The following MACROD2 variants were observed in gnomAD, a reference collection of about 807,000 sequenced individuals.
The protein encoded by MACROD2 is mono-ADP ribosylhydrolase 2.
MACROD2 carries 36 observed loss-of-function variants against 70.4 expected under a neutral mutation model. The ratio of observed to expected loss-of-function variants is 0.51; its 90% CI spans 0.39 to 0.68. The LOEUF (loss-of-function observed/expected upper bound fraction) is 0.68. Ranked by LOEUF, MACROD2 falls within the 30% of genes least tolerant of loss-of-function variation. The pLI, the probability that MACROD2 is intolerant of heterozygous loss-of-function variation, is 0.00. For synonymous variants in MACROD2, 172 were observed against 178.8 expected (o/e 0.96, Z 0.30); for missense variants, 496 against 538.4 (o/e 0.92, Z 0.78).
chr20:15,775,145 T>C (rs926689123), intron 8 of MACROD2, among the ~76,000 whole-genome samples: 3 of 152,060 alleles, frequency 2.0e-5, no homozygotes, highest in Non-Finnish European at 1.5e-5. Context: ...ACATATTTAA[T>C]AAGCTGTAGG....
At chr20:15,638,790 G>T (rs1174207808) in intron 8 of MACROD2, among the ~76,000 whole-genome samples, 1 of 152,184 alleles carries the variant, frequency 6.6e-6, no homozygotes, top group African/African-American at 2.4e-5. Flanking sequence ...GGGCCAGGTG[G>T]TTAACTTTTC....
intron 3 of MACROD2, among the ~76,000 whole-genome samples, chr20:14,349,837 G>C (rs934286513): frequency 9.6e-5 from 14 of 145,284 alleles, no homozygotes; most frequent in Non-Finnish European, 1.9e-4. Context: ...TTTTGCCCAG[G>C]CTGGAGTGCA....
At chr20:14,863,339 T>C (rs1311971376) in intron 5 of MACROD2, among the ~76,000 whole-genome samples, 2 of 152,124 alleles carry the variant, frequency 1.3e-5, no homozygotes, top group Non-Finnish European at 2.9e-5. Flanking sequence ...CCGATCACAC[T>C]GATACAGGCC....
intron 8 of MACROD2, among the ~76,000 whole-genome samples, chr20:15,608,094 A>T (rs771394436): frequency 2.0e-5 from 3 of 152,224 alleles, no homozygotes; most frequent in Non-Finnish European, 4.4e-5. Context: ...TACTTCTCAT[A>T]CTGGTTACAG....
chr20:14,914,977 C>T (rs980249747), intron 5 of MACROD2, among the ~76,000 whole-genome samples: 4 of 152,044 alleles, frequency 2.6e-5, no homozygotes, highest in East Asian at 1.9e-4. Context: ...ACAATAGATT[C>T]GACTGATTTT....
At chr20:15,615,566 A>G (rs1276899904) in intron 8 of MACROD2, among the ~76,000 whole-genome samples, 1 of 152,108 alleles carries the variant, frequency 6.6e-6, no homozygotes, top group Non-Finnish European at 1.5e-5. Flanking sequence ...GGCACTCGAT[A>G]CTAGCAGCAC....
At chr20:14,122,356 C>T (rs2054598942) in intron 3 of MACROD2, among the ~76,000 whole-genome samples, 1 of 152,138 alleles carries the variant, frequency 6.6e-6, no homozygotes, top group Non-Finnish European at 1.5e-5. Context: ...GCATCCCTGG[C>T]ACATTGTCAA....
intron 11 of MACROD2, 62 bp from the exon 12 acceptor site, chr20:15,937,414 A>G: frequency 6.6e-7 from 1 of 1,514,218 alleles, no homozygotes; most frequent in African/African-American, 1.4e-5. Context: ...CAGGGCAGGA[A>G]AGCCACAGCT....
chr20:14,414,813 C>T (rs1600216003), intron 3 of MACROD2, among the ~76,000 whole-genome samples: 1 of 152,116 alleles, frequency 6.6e-6, no homozygotes, highest in Non-Finnish European at 1.5e-5. Flanking sequence ...ACCTGGCTTG[C>T]ACCTCCTGGC....
chr20:14,868,173 T>G (rs557441144), intron 5 of MACROD2, among the ~76,000 whole-genome samples: 4 of 150,418 alleles, frequency 2.7e-5, no homozygotes, highest in African/African-American at 9.8e-5. Context: ...TCCCATATCT[T>G]TTTCTTTTTT....
At chr20:15,402,672 T>C (rs1486055411) in intron 6 of MACROD2, among the ~76,000 whole-genome samples, 1 of 152,148 alleles carries the variant, frequency 6.6e-6, no homozygotes, top group East Asian at 1.9e-4. Flanking sequence ...ATTTAGGAAA[T>C]GGGGCAAGAG....
intron 3 of MACROD2, among the ~76,000 whole-genome samples, chr20:14,281,708 G>A (rs1382489958): frequency 6.6e-6 from 1 of 151,980 alleles, no homozygotes; most frequent in East Asian, 1.9e-4. Flanking sequence ...AGGACAAGGC[G>A]GGCGGATCAC....
chr20:15,094,330 T>G (rs1161387555), intron 5 of MACROD2, among the ~76,000 whole-genome samples: 1 of 152,182 alleles, frequency 6.6e-6, no homozygotes, highest in Non-Finnish European at 1.5e-5. Flanking sequence ...TACAAAGTAA[T>G]AAACCAGCTG....
chr20:14,581,512 T>C (rs764266796), intron 4 of MACROD2, among the ~76,000 whole-genome samples: 1 of 152,160 alleles, frequency 6.6e-6, no homozygotes, highest in Non-Finnish European at 1.5e-5. Context: ...TGGGATAGAG[T>C]TTCTATTTTA....
In MACROD2 at chr20:14,256,511, T is replaced by G. The variant is rs572332693; in HGVS notation, c.271+170783T>G. Among the ~76,000 whole-genome samples, 7 of 152,260 alleles carry G rather than the reference T, an allele frequency of 4.6e-5. No individual in the cohort carries two copies. The East Asian group carries it at 1.3e-3, about 29-fold the overall frequency. On this transcript the variant is annotated intron_variant, in intron 3 of 17. Coordinates refer to ENST00000684519, the MANE Select transcript of MACROD2 (RefSeq NM_001351661.2). The stretch of plus-strand genomic sequence containing the variant: ...GGCTCTGAAACATGTTATATTCCCT[T>G]AGAGAAGATTTACTTTTGTTTCTGG...
chr20:15,218,397 C>T (rs973693691), intron 5 of MACROD2, among the ~76,000 whole-genome samples: 11 of 152,184 alleles, frequency 7.2e-5, no homozygotes, highest in African/African-American at 2.7e-4. Context: ...TTGGACTCTG[C>T]TTTCATGTCA....
At chr20:14,378,735 G>T (rs2083395781) in intron 3 of MACROD2, among the ~76,000 whole-genome samples, 1 of 152,112 alleles carries the variant, frequency 6.6e-6, no homozygotes, top group African/African-American at 2.4e-5. Flanking sequence ...AATCCATGAG[G>T]CCGGAGCCCT....
chr20:14,592,304 G>A (rs1330767631), intron 4 of MACROD2, among the ~76,000 whole-genome samples: 1 of 152,166 alleles, frequency 6.6e-6, no homozygotes, highest in East Asian at 1.9e-4. Flanking sequence ...AGCAGCTCAA[G>A]GATAGTAGTT....
intron 3 of MACROD2, among the ~76,000 whole-genome samples, chr20:14,201,257 A>T (rs1010331766): frequency 6.6e-6 from 1 of 152,188 alleles, no homozygotes; most frequent in African/African-American, 2.4e-5. Flanking sequence ...ATTGATTAAA[A>T]CTTGGAAGAA....
Sources: allele counts gnomAD v4.1 joint callset (sites outside exome capture counted in the v4.1 genomes callset), GRCh38; gene constraint gnomAD v4.1.1; transcripts MANE v1.5; gene names NCBI Gene and HGNC (gene_info 2026-07-23, HGNC 2026-07-21).